IMPG2: variants seen among roughly 807,000 people sequenced by gnomAD.
IMPG2 encodes interphotoreceptor matrix proteoglycan 2, also known as IPM 200.
IMPG2 carries 91 observed loss-of-function variants against 129.2 expected under a neutral mutation model. That is an observed-to-expected ratio of 0.70 (90% CI 0.59 to 0.84). The LOEUF (loss-of-function observed/expected upper bound fraction) is 0.84. IMPG2 is among the 40% of genes least tolerant of loss of function. IMPG2 has a pLI of 0.00. For synonymous variants in IMPG2, 510 were observed against 517.7 expected, an observed-to-expected ratio of 0.99 and a Z score of 0.20; for missense variants, 1,430 against 1,461.7, an observed-to-expected ratio of 0.98 and a Z score of 0.35.
At chr3:101,317,480 C>T (rs1165324317) in intron 2 of IMPG2, among the ~76,000 whole-genome samples, 1 of 152,052 alleles carries the variant, frequency 6.6e-6, no homozygotes, top group Non-Finnish European at 1.5e-5. Context: ...AGCTAAGATC[C>T]TTAATTGGAT....
chr3:101,319,650 T>G lies in IMPG2; in HGVS notation c.268A>C (p.Lys90Gln). The change falls in exon 2 of 19, where the codon AAA (lysine) becomes CAA (glutamine). Residue 90 changes from lysine to glutamine, a missense_variant. Physicochemically the swap from Lys to Gln is moderately conservative, Grantham distance 53. Coordinates refer to ENST00000193391, the MANE Select transcript of IMPG2 (RefSeq NM_016247.4). ...GCAACACTTTCATCTGGGCAGATTTTCACTCCATTAGGAAACAGAATAGAT... is the reference window on the plus strand; with the variant it reads ...GCAACACTTTCATCTGGGCAGATTTGCACTCCATTAGGAAACAGAATAGAT... The part of the protein sequence containing the change: ...RRSILFPNGV[K>Q]ICPDESVAEA... 1 of 1,613,814 alleles carries G rather than the reference T, an allele frequency of 6.2e-7. No homozygotes were observed. Among genetic ancestry groups the G allele is most frequent in the Non-Finnish European group, 8.5e-7 (1 of 1,179,846 alleles).
intron 9 of IMPG2, among the ~76,000 whole-genome samples, chr3:101,262,540 A>T (rs1706680899): frequency 6.6e-6 from 1 of 152,068 alleles, no homozygotes; most frequent in Admixed American, 6.6e-5. Context: ...TCTGGGTGAC[A>T]TCACTAATAT....
At chr3:101,278,655 T>A (rs1195637361) in intron 4 of IMPG2, among the ~76,000 whole-genome samples, 1 of 152,062 alleles carries the variant, frequency 6.6e-6, no homozygotes, top group African/African-American at 2.4e-5. Flanking sequence ...TAGGGGCATG[T>A]TTTCTAAATG....
chr3:101,277,027 C>T (rs903008013), intron 4 of IMPG2, among the ~76,000 whole-genome samples: 1 of 152,176 alleles, frequency 6.6e-6, no homozygotes, highest in East Asian at 1.9e-4. Flanking sequence ...ATCTCTGTCT[C>T]TAATGCCTTA....
chr3:101,251,773 T>C (rs1706546082), intron 11 of IMPG2, among the ~76,000 whole-genome samples: 2 of 151,998 alleles, frequency 1.3e-5, no homozygotes, highest in African/African-American at 4.8e-5. Context: ...TGACTAGTAA[T>C]ACAATTATGG....
At chr3:101,227,055 A>C (rs528728124) in intron 18 of IMPG2, 74 bp from the exon 19 acceptor site, 45 of 1,404,840 alleles carry the variant, frequency 3.2e-5, no homozygotes, top group Non-Finnish European at 4.3e-5. Context: ...ACTGTCATAC[A>C]TCACTAAGCT....
At chr3:101,301,955 T>G (rs1187275106) in intron 3 of IMPG2, among the ~76,000 whole-genome samples, 1 of 152,184 alleles carries the variant, frequency 6.6e-6, no homozygotes, top group Non-Finnish European at 1.5e-5. Context: ...ATCTACAGAG[T>G]TAAATCCAAG....
At chr3:101,320,253 T>C (rs377245508) in intron 1 of IMPG2, 35 bp downstream of exon 1, 27 of 1,217,040 alleles carry the variant, frequency 2.2e-5, no homozygotes, top group African/African-American at 3.0e-5. Context: ...ACTACAGATA[T>C]GGAAAGATAA....
rs55872340 is a variant in IMPG2 at position 101,230,164 on chromosome 3, G to A, written c.3423-574C>T. Among the ~76,000 whole-genome samples the A allele has an allele frequency of 4.3e-3, 659 of 152,268 alleles. 3 individuals carry two copies. Among genetic ancestry groups the A allele is most frequent in the African/African-American group, 0.015 (628 of 41,546 alleles). On this transcript the variant is annotated intron_variant, in intron 16 of 18. Transcript: ENST00000193391. ...ACAATAAGAATATAATAACAATGAC[G>A]GAGGTATGTCCCAGGTGCTCCAGGA... is the stretch of plus-strand genomic sequence containing the variant.
chr3:101,258,191 T>C (rs1175402386), intron 9 of IMPG2, among the ~76,000 whole-genome samples: 1 of 152,130 alleles, frequency 6.6e-6, no homozygotes, highest in African/African-American at 2.4e-5. Context: ...ACTTCATTAT[T>C]GTTGTTAGAC....
chr3:101,263,289 T>G (rs1003405484), intron 9 of IMPG2, among the ~76,000 whole-genome samples: 1 of 152,042 alleles, frequency 6.6e-6, no homozygotes, highest in Non-Finnish European at 1.5e-5. Flanking sequence ...ATATTTTCCA[T>G]GACTGACCAT....
At chr3:101,256,663 G>A (rs1706613879) in intron 10 of IMPG2, among the ~76,000 whole-genome samples, 1 of 152,048 alleles carries the variant, frequency 6.6e-6, no homozygotes, top group African/African-American at 2.4e-5. Flanking sequence ...AAAATGTGTG[G>A]GAGCTAGAGA....
At chr3:101,310,889 T>C (rs1057169210) in intron 2 of IMPG2, among the ~76,000 whole-genome samples, 3 of 152,152 alleles carry the variant, frequency 2.0e-5, no homozygotes, top group African/African-American at 7.2e-5. Flanking sequence ...GGGCAATGTT[T>C]CCCCACCTCC....
chr3:101,315,734 G>A (rs994460402), intron 2 of IMPG2, among the ~76,000 whole-genome samples: 2 of 151,870 alleles, frequency 1.3e-5, no homozygotes, highest in African/African-American at 4.8e-5. Context: ...TCTATAGAAT[G>A]AAACACAATC....
intron 10 of IMPG2, among the ~76,000 whole-genome samples, chr3:101,255,086 G>A (rs1354594298): frequency 1.3e-5 from 2 of 152,052 alleles, no homozygotes; most frequent in Non-Finnish European, 2.9e-5. Context: ...CTGTGGAACT[G>A]TAAGTCAATT....
chr3:101,303,144 T>G (rs912054462), intron 3 of IMPG2, among the ~76,000 whole-genome samples: 11 of 152,190 alleles, frequency 7.2e-5, no homozygotes, highest in Admixed American at 7.2e-4. Context: ...GAACCAGTAC[T>G]TAAAATAATC....
intron 3 of IMPG2, among the ~76,000 whole-genome samples, chr3:101,297,485 G>A (rs912128888): frequency 3.3e-5 from 5 of 151,894 alleles, no homozygotes; most frequent in African/African-American, 4.8e-5. Flanking sequence ...CTTTAATTGC[G>A]ATGTTAGCAT....
intron 4 of IMPG2, among the ~76,000 whole-genome samples, chr3:101,288,706 G>A (rs571882869): frequency 3.1e-4 from 47 of 152,202 alleles, no homozygotes; most frequent in Admixed American, 7.2e-4. Flanking sequence ...ACTAGAAGGC[G>A]GGTAGGTGTG....
rs1409881785 is a variant in IMPG2 at position 101,224,760 on chromosome 3, G to A, written c.*2209C>T. 2.0e-5 allele frequency: 3 copies of A among 152,242 alleles called. No homozygotes were observed. Among genetic ancestry groups the A allele is most frequent in the East Asian group, 1.9e-4 (1 of 5,196 alleles). 9.4% of individuals were successfully genotyped at this position (152,242 alleles called of 1,614,324 possible). The stretch of plus-strand genomic sequence containing the variant: ...GAGGCCTCCTGTTCTTTCCCTGATA[G>A]TTGAGGGGCTCCTTTACTCTTCCAT... On this transcript the variant is annotated 3_prime_UTR_variant, in exon 19 of 19. Coordinates refer to ENST00000193391, the MANE Select transcript of IMPG2 (RefSeq NM_016247.4).
Sources: gnomAD v4.1 joint callset for allele counts (sites outside exome capture counted in the v4.1 genomes callset) on GRCh38, gnomAD v4.1.1 for gene constraint, MANE v1.5 for transcripts, NCBI Gene and HGNC (gene_info 2026-07-23, HGNC 2026-07-21) for gene names.